Variants in DMBX1 observed in about 807,000 individuals in gnomAD.
The protein encoded by DMBX1 is diencephalon/mesencephalon homeobox protein 1.
Under a neutral mutation model 30.4 loss-of-function variants are expected in DMBX1, and 7 were observed. That is an observed-to-expected ratio of 0.23 (90% CI 0.13 to 0.43). The LOEUF (loss-of-function observed/expected upper bound fraction) is 0.43, where lower values mean the gene tolerates loss of function less well. Among genes scored for constraint, DMBX1 ranks in the 20% least tolerant of loss-of-function variants. DMBX1 has a pLI of 1.00. For synonymous variants in DMBX1, 222 were observed against 214.2 expected (o/e 1.04, Z -0.32); for missense variants, 460 against 508.5 (o/e 0.90, Z 0.92).
chr1:46,497,092 T>G (rs1666038532), intron 2 of DMBX1, among the ~76,000 whole-genome samples: 1 of 152,202 alleles, frequency 6.6e-6, no homozygotes, highest in Non-Finnish European at 1.5e-5. Context: ...GGCCTATCTC[T>G]TGGTCACACT....
intron 1 of DMBX1, among the ~76,000 whole-genome samples, chr1:46,490,313 G>C (rs977119929): frequency 6.6e-6 from 1 of 152,298 alleles, no homozygotes; most frequent in Admixed American, 6.5e-5. Context: ...AGAACGCTTC[G>C]GATCCGTCAC....
intron 2 of DMBX1, among the ~76,000 whole-genome samples, chr1:46,492,450 C>T (rs1387843542): frequency 6.6e-6 from 1 of 152,142 alleles, no homozygotes; most frequent in Non-Finnish European, 1.5e-5. Context: ...TGGGAGTGTA[C>T]AGCCTAAAAT....
At chr1:46,499,626 G>A (rs565891814) in intron 2 of DMBX1, among the ~76,000 whole-genome samples, 5 of 152,308 alleles carry the variant, frequency 3.3e-5, no homozygotes, top group African/African-American at 1.2e-4. Flanking sequence ...ATGTATCAGA[G>A]GCATTTAATA....
At chr1:46,499,887 A>G (rs1666091442) in intron 2 of DMBX1, among the ~76,000 whole-genome samples, 1 of 152,200 alleles carries the variant, frequency 6.6e-6, no homozygotes, top group Non-Finnish European at 1.5e-5. Context: ...TGTGTTCAGT[A>G]CATTATAGCT....
chr1:46,492,185 G>A lies in DMBX1; in HGVS notation c.-13+1402G>A, dbSNP rs778520355. Among the ~76,000 whole-genome samples the A allele has an allele frequency of 1.0e-3, 155 of 152,346 alleles. 1 individual carries two copies. Among genetic ancestry groups the A allele is most frequent in the Admixed American group, 5.2e-4 (8 of 15,310 alleles). On this transcript the variant is annotated intron_variant, in intron 2 of 5. Transcript: ENST00000360032. ...GGCCATGGCGAAGGACAAGCACTCG[G>A]GCCTCGGGATGGGCTCTGCCAGATA...
chr1:46,511,394 G>A, intron 5 of DMBX1, 111 bp downstream of exon 5: 1 of 1,224,646 alleles, frequency 8.2e-7, no homozygotes, highest in East Asian at 2.6e-5. Flanking sequence ...GCATCAGAAA[G>A]GACTGACCAC....
chr1:46,501,311 C>A (rs1417632542), intron 2 of DMBX1, among the ~76,000 whole-genome samples: 1 of 146,830 alleles, frequency 6.8e-6, no homozygotes, highest in East Asian at 2.0e-4. Flanking sequence ...TTCTTTCTTT[C>A]TCTCTGTTGC....
At chr1:46,501,205 C>G (rs1188440657) in intron 2 of DMBX1, among the ~76,000 whole-genome samples, 1 of 74,676 alleles carries the variant, frequency 1.3e-5, no homozygotes. Context: ...TTCCTTCCTT[C>G]CTTCCTTCCT....
rs1402254956 is a variant in DMBX1, at chr1:46,515,599, G to GTA, written c.*3106_*3107dup. Reference sequence around the variant, plus strand: ...CTCAAGTTTAGGGCACCAGCCTTGGGTACTGAAAGCAGCTGGAGAGCAAGA... The same window carrying GTA: ...CTCAAGTTTAGGGCACCAGCCTTGGGTATACTGAAAGCAGCTGGAGAGCAAGA... On this transcript the variant is annotated 3_prime_UTR_variant, in exon 6 of 6. Coordinates refer to ENST00000360032, the MANE Select transcript of DMBX1 (RefSeq NM_172225.2). Among the ~76,000 whole-genome samples the GTA allele has an allele frequency of 6.6e-6, 1 of 152,236 alleles. No individual in the cohort carries two copies. Among genetic ancestry groups the GTA allele is most frequent in the Non-Finnish European group, 1.5e-5 (1 of 68,040 alleles).
intron 2 of DMBX1, among the ~76,000 whole-genome samples, chr1:46,499,889 A>G (rs1666091499): frequency 6.6e-6 from 1 of 152,312 alleles, no homozygotes; most frequent in South Asian, 2.1e-4. Context: ...TGTTCAGTAC[A>G]TTATAGCTAG....
chr1:46,490,363 A>G (rs570253638), intron 1 of DMBX1, among the ~76,000 whole-genome samples: 4 of 152,266 alleles, frequency 2.6e-5, no homozygotes, highest in Admixed American at 1.3e-4. Flanking sequence ...CGCCCCTGAA[A>G]AAAAAAATAC....
At chr1:46,498,551 C>G (rs1206923658) in intron 2 of DMBX1, among the ~76,000 whole-genome samples, 1 of 152,096 alleles carries the variant, frequency 6.6e-6, no homozygotes, top group Non-Finnish European at 1.5e-5. Context: ...GACCTAGCAG[C>G]AGGGGACAGG....
chr1:46,512,960 G>T lies in DMBX1; in HGVS notation c.*466G>T. The T allele has an allele frequency of 6.3e-6, 1 of 158,862 alleles. No homozygotes were observed. The highest frequency in any genetic ancestry group is 6.1e-5 in the Admixed American group (1 of 16,486). The allele number at this position is 158,862 out of a possible 1,614,324, so 9.8% of individuals were successfully genotyped here. On this transcript the variant is annotated 3_prime_UTR_variant, in exon 6 of 6. Transcript: ENST00000360032. This position sits in a 1 kb window ranked among gnomAD's most constrained non-coding sequence, Gnocchi z 4.8. Reference sequence around the variant, plus strand: ...CCTGCCACCCCTCCCTGCAGCCTCCGCGGCTCACTCCAGCCATCCCTTCTG... The same window carrying T: ...CCTGCCACCCCTCCCTGCAGCCTCCTCGGCTCACTCCAGCCATCCCTTCTG...
intron 3 of DMBX1, among the ~76,000 whole-genome samples, chr1:46,509,337 T>C (rs1450738691): frequency 6.6e-6 from 1 of 152,148 alleles, no homozygotes; most frequent in Non-Finnish European, 1.5e-5. Flanking sequence ...AGTGCTGGGA[T>C]TACAGGCGTG....
chr1:46,491,446 G>A lies in DMBX1; in HGVS notation c.-13+663G>A, dbSNP rs1569875759. The stretch of plus-strand genomic sequence containing the variant: ...GTCCTCGGAGGCCGGGGCAGGGTGC[G>A]CCGATATTGGTTTACTAAGGGCGCC... On this transcript the variant is annotated intron_variant, in intron 2 of 5. Transcript: ENST00000360032. The surrounding 1 kb of genome is among the most constrained non-coding windows in gnomAD (Gnocchi z 5.5). Among the ~76,000 whole-genome samples, 1 of 152,194 alleles carries A rather than the reference G, an allele frequency of 6.6e-6. No individual in the cohort carries two copies. Among genetic ancestry groups the A allele is most frequent in the Non-Finnish European group, 1.5e-5 (1 of 68,046 alleles).
intron 2 of DMBX1, among the ~76,000 whole-genome samples, chr1:46,498,319 A>G (rs892372846): frequency 2.0e-5 from 3 of 152,090 alleles, no homozygotes; most frequent in Non-Finnish European, 2.9e-5. Context: ...CTCCCTCACA[A>G]TCTCTTGGTC....
chr1:46,507,265 C>T (rs1666257190), intron 3 of DMBX1, 101 bp downstream of exon 3: 2 of 1,449,972 alleles, frequency 1.4e-6, no homozygotes, highest in Non-Finnish European at 1.8e-6. Context: ...CAAGCTTGTT[C>T]TAGGGGGCTC....
At chr1:46,490,456 T>C (rs1345779971) in intron 1 of DMBX1, among the ~76,000 whole-genome samples, 188 bp from the exon 2 acceptor site, 5 of 146,576 alleles carry the variant, frequency 3.4e-5, no homozygotes, top group African/African-American at 1.3e-4. Context: ...GCCGGCGTAA[T>C]GCGGACCAGA....
intron 3 of DMBX1, among the ~76,000 whole-genome samples, chr1:46,508,908 C>A (rs1035979795): frequency 6.7e-6 from 1 of 149,470 alleles, no homozygotes. Flanking sequence ...GCTGACAGAG[C>A]GGTCCCCACT....
Sources: allele counts gnomAD v4.1 joint callset (sites outside exome capture counted in the v4.1 genomes callset), GRCh38; gene constraint gnomAD v4.1.1; non-coding constraint Gnocchi (gnomAD v3.1); transcripts MANE v1.5; gene names NCBI Gene and HGNC (gene_info 2026-07-23, HGNC 2026-07-21).